The following CSMD1 variants were observed in gnomAD, a reference collection of about 807,000 sequenced individuals.
CSMD1 encodes CUB and sushi domain-containing protein 1.
CSMD1 carries 213 observed loss-of-function variants against 417.5 expected under a neutral mutation model. The ratio of observed to expected loss-of-function variants is 0.51; its 90% CI spans 0.46 to 0.57. CSMD1 has a LOEUF of 0.57. Among genes scored for constraint, CSMD1 ranks in the 20% least tolerant of loss-of-function variants. The pLI is 0.00. For missense variants in CSMD1, 6,923 were observed against 4,529.7 expected (o/e 1.53, Z -15.17); for synonymous variants, 2,862 against 1,736.8 (o/e 1.65, Z -16.11).
At chr8:3,159,647 T>C (rs1430241222) in intron 38 of CSMD1, among the ~76,000 whole-genome samples, 5 of 152,178 alleles carry the variant, frequency 3.3e-5, no homozygotes, top group Admixed American at 6.5e-5. Flanking sequence ...TTTTTGCTCA[T>C]GTGAATGACA....
chr8:4,188,151 C>T (rs563224475), intron 3 of CSMD1, among the ~76,000 whole-genome samples: 35 of 152,138 alleles, frequency 2.3e-4, no homozygotes, highest in African/African-American at 7.5e-4. Flanking sequence ...CACATCCTAA[C>T]GTATTTAAAT....
chr8:3,964,057 G>C (rs1027759709), intron 5 of CSMD1, among the ~76,000 whole-genome samples: 4 of 152,174 alleles, frequency 2.6e-5, no homozygotes, highest in African/African-American at 9.7e-5. Context: ...TGATAGCACA[G>C]CATGAGGTGC....
intron 23 of CSMD1, among the ~76,000 whole-genome samples, chr8:3,309,353 G>A (rs1013806732): frequency 1.4e-4 from 19 of 136,776 alleles, no homozygotes; most frequent in African/African-American, 3.7e-4. Context: ...CTGAATTACT[G>A]CCGACCACAC....
At chr8:3,968,254 T>C (rs576773416) in intron 5 of CSMD1, among the ~76,000 whole-genome samples, 2 of 152,148 alleles carry the variant, frequency 1.3e-5, no homozygotes, top group East Asian at 3.9e-4. Flanking sequence ...TCAATGTACT[T>C]TGTTTTCCAG....
rs34630588 is a variant in CSMD1 at position 3,765,992 on chromosome 8, G to A, written c.819-11950C>T. Among the ~76,000 whole-genome samples, 1,004 of 152,366 alleles carry A rather than the reference G, an allele frequency of 6.6e-3. 3 individuals carry two copies. The highest frequency in any genetic ancestry group is 9.9e-3 in the Non-Finnish European group (672 of 68,040). ...GGAATTAACCCAGAGGTCAGGCAGA[G>A]AGGATCATTTGGGAGAGGATGTGAC... is the stretch of plus-strand genomic sequence containing the variant. On this transcript the variant is annotated intron_variant, in intron 5 of 69. Coordinates refer to ENST00000635120, the MANE Select transcript of CSMD1 (RefSeq NM_033225.6).
chr8:4,374,514 C>T (rs554625825), intron 3 of CSMD1, among the ~76,000 whole-genome samples: 78 of 152,124 alleles, frequency 5.1e-4, no homozygotes, highest in Admixed American at 1.4e-3. Flanking sequence ...ATGCCCACAG[C>T]AGATCTAGAG....
chr8:3,816,693 A>G (rs1464418751), intron 5 of CSMD1, among the ~76,000 whole-genome samples: 1 of 152,206 alleles, frequency 6.6e-6, no homozygotes, highest in Non-Finnish European at 1.5e-5. Context: ...AATTACACTG[A>G]TTTTACCTTT....
At chr8:4,349,156 G>C (rs1184883332) in intron 3 of CSMD1, among the ~76,000 whole-genome samples, 1 of 152,216 alleles carries the variant, frequency 6.6e-6, no homozygotes. Flanking sequence ...GCTTGCATAT[G>C]TGCTTTTGGT....
intron 3 of CSMD1, among the ~76,000 whole-genome samples, chr8:4,309,958 A>AT (rs1203134920): frequency 6.6e-6 from 1 of 152,150 alleles, no homozygotes; most frequent in Non-Finnish European, 1.5e-5. Flanking sequence ...AGTTACCCCT[A>AT]TTTTTACATA....
At chr8:3,315,268 G>A (rs1380866272) in intron 23 of CSMD1, among the ~76,000 whole-genome samples, 3 of 152,126 alleles carry the variant, frequency 2.0e-5, no homozygotes, top group Non-Finnish European at 4.4e-5. Flanking sequence ...TGAATAGGAA[G>A]GGAGTTTCAA....
At chr8:4,321,037 C>A (rs1195718760) in intron 3 of CSMD1, among the ~76,000 whole-genome samples, 1 of 152,114 alleles carries the variant, frequency 6.6e-6, no homozygotes, top group Admixed American at 6.6e-5. Context: ...TTCATATTTT[C>A]ACATTTTGTT....
At chr8:4,336,377 C>G (rs1458768411) in intron 3 of CSMD1, among the ~76,000 whole-genome samples, 1 of 152,130 alleles carries the variant, frequency 6.6e-6, no homozygotes, top group Non-Finnish European at 1.5e-5. Flanking sequence ...GCAACTGTGC[C>G]TGACTAGGCG....
intron 2 of CSMD1, among the ~76,000 whole-genome samples, chr8:4,586,345 G>T (rs766354709): frequency 8.5e-5 from 13 of 152,142 alleles, no homozygotes; most frequent in Non-Finnish European, 1.6e-4. Flanking sequence ...CTTGTGTAGA[G>T]ATAGATTTCT....
intron 3 of CSMD1, among the ~76,000 whole-genome samples, chr8:4,190,047 A>G (rs1414224503): frequency 1.3e-5 from 2 of 151,904 alleles, no homozygotes; most frequent in Non-Finnish European, 2.9e-5. Flanking sequence ...ACACGAGGTC[A>G]GGAGATCGAG....
At chr8:4,290,428 T>A (rs376651671) in intron 3 of CSMD1, among the ~76,000 whole-genome samples, 1 of 152,202 alleles carries the variant, frequency 6.6e-6, no homozygotes, top group Non-Finnish European at 1.5e-5. Context: ...AACATGAGAT[T>A]TGAACTTCCA....
At chr8:3,618,366 C>G (rs572761458) in intron 7 of CSMD1, among the ~76,000 whole-genome samples, 1 of 152,122 alleles carries the variant, frequency 6.6e-6, no homozygotes, top group Non-Finnish European at 1.5e-5. Context: ...TCATTAAATA[C>G]AAATTCTATT....
chr8:3,307,708 C>T lies in CSMD1; in HGVS notation c.3937G>A (p.Gly1313Arg). 1.2e-6 allele frequency: 2 copies of T among 1,613,316 alleles called. No homozygotes were observed. The highest frequency in any genetic ancestry group is 1.3e-5 in the African/African-American group (1 of 74,992). The change falls in exon 25 of 70, where the codon GGA becomes AGA. Residue 1313 changes from glycine (G) to arginine (R), a missense_variant. Transcript: ENST00000635120. ...TAAAACAAGTACCTAATGGTCTTTC[C>T]TGGGTCTGCCTCTATAATCCAGGTG... ...HCTWIIEADP[G>R]KTISLHFIVF...
chr8:4,641,866 G>C (rs1800525770), intron 1 of CSMD1, among the ~76,000 whole-genome samples: 1 of 152,136 alleles, frequency 6.6e-6, no homozygotes, highest in African/African-American at 2.4e-5. Flanking sequence ...AAAAGTGAAA[G>C]TATTAAGTAG....
intron 3 of CSMD1, among the ~76,000 whole-genome samples, chr8:4,332,596 C>G (rs1799932151): frequency 1.0e-5 from 1 of 100,338 alleles, no homozygotes; most frequent in Non-Finnish European, 2.1e-5. Context: ...CACACACACA[C>G]ACACACACAC....
Sources: gnomAD v4.1 joint callset for allele counts (sites outside exome capture counted in the v4.1 genomes callset) on GRCh38, gnomAD v4.1.1 for gene constraint, MANE v1.5 for transcripts, NCBI Gene and HGNC (gene_info 2026-07-23, HGNC 2026-07-21) for gene names.